SYNPR: variants seen among roughly 807,000 people sequenced by gnomAD.
SYNPR encodes the protein synaptoporin.
SYNPR carries 23 observed loss-of-function variants against 32.9 expected under a neutral mutation model. That is an observed-to-expected ratio of 0.70 (90% confidence interval 0.50 to 0.99). The LOEUF (loss-of-function observed/expected upper bound fraction) is 0.99. SYNPR is among the 50% of genes least tolerant of loss of function. The pLI is 0.00. For synonymous variants in SYNPR, 146 were observed against 135.9 expected (o/e 1.07, Z -0.52); for missense variants, 318 against 349.3 (o/e 0.91, Z 0.71).
rs144095887 is a variant in SYNPR at position 63,411,232 on chromosome 3, C to G, written c.85-69600C>G. 2.0e-5 allele frequency among the ~76,000 whole-genome samples: 3 copies of G among 152,130 alleles called. No individual in the cohort carries two copies. In the East Asian group the frequency reaches 5.8e-4, roughly 29 times the overall value. On this transcript the variant is annotated intron_variant, in intron 2 of 5. Coordinates refer to ENST00000478300, the MANE Select transcript of SYNPR (RefSeq NM_001130003.2). ...AGTTAAAGTCTGAGGAGTCTGAGGT[C>G]AAAGGTGGTAAGGCTTGAAAAGGAG... is the stretch of plus-strand genomic sequence containing the variant.
intron 3 of SYNPR, among the ~76,000 whole-genome samples, chr3:63,522,769 A>T (rs911140218): frequency 2.0e-5 from 3 of 152,112 alleles, no homozygotes; most frequent in Non-Finnish European, 4.4e-5. Flanking sequence ...GAGGGAGCAT[A>T]GCGGATGAAA....
At chr3:63,474,078 C>A (rs1487639858) in intron 2 of SYNPR, among the ~76,000 whole-genome samples, 1 of 152,152 alleles carries the variant, frequency 6.6e-6, no homozygotes, top group Non-Finnish European at 1.5e-5. Context: ...AGCCAGCCAA[C>A]GATGTGTGGT....
intron 2 of SYNPR, among the ~76,000 whole-genome samples, chr3:63,342,329 C>A (rs1454148137): frequency 7.2e-5 from 11 of 152,142 alleles, no homozygotes; most frequent in South Asian, 2.1e-4. Flanking sequence ...AAACTGTAAT[C>A]ATTACTGGAT....
intron 2 of SYNPR, among the ~76,000 whole-genome samples, chr3:63,355,443 T>A (rs749818755): frequency 6.6e-6 from 1 of 152,134 alleles, no homozygotes; most frequent in African/African-American, 2.4e-5. Flanking sequence ...TAAGTGCCAT[T>A]GGTAATGGCT....
At chr3:63,504,455 G>A (rs1296611676) in intron 3 of SYNPR, among the ~76,000 whole-genome samples, 1 of 152,096 alleles carries the variant, frequency 6.6e-6, no homozygotes. Flanking sequence ...CTGCAGGTTT[G>A]TAACAATCCA....
At chr3:63,324,745 A>C (rs922815018) in intron 2 of SYNPR, among the ~76,000 whole-genome samples, 5 of 152,138 alleles carry the variant, frequency 3.3e-5, no homozygotes, top group Non-Finnish European at 5.9e-5. Flanking sequence ...CTCACCAGGC[A>C]GCAAGTTGAG....
chr3:63,314,548 T>C (rs911897078), intron 2 of SYNPR, among the ~76,000 whole-genome samples: 1 of 152,094 alleles, frequency 6.6e-6, no homozygotes, highest in Non-Finnish European at 1.5e-5. Flanking sequence ...TCTATTCATG[T>C]CCTTTGCCCA....
chr3:63,535,587 A>G (rs1019879687), intron 3 of SYNPR, among the ~76,000 whole-genome samples: 5 of 152,196 alleles, frequency 3.3e-5, no homozygotes, highest in African/African-American at 4.8e-5. Context: ...ATAGACATAT[A>G]GACCAATGGA....
chr3:63,371,435 T>C (rs1286070690), intron 2 of SYNPR, among the ~76,000 whole-genome samples: 1 of 152,176 alleles, frequency 6.6e-6, no homozygotes, highest in Non-Finnish European at 1.5e-5. Context: ...TGAGCAGTGA[T>C]GAACTTCAGG....
At chr3:63,314,550 C>T (rs1327663127) in intron 2 of SYNPR, among the ~76,000 whole-genome samples, 4 of 151,916 alleles carry the variant, frequency 2.6e-5, no homozygotes, top group Non-Finnish European at 4.4e-5. Context: ...TATTCATGTC[C>T]TTTGCCCACT....
chr3:63,412,799 C>G (rs2088484323), intron 2 of SYNPR, among the ~76,000 whole-genome samples: 1 of 152,146 alleles, frequency 6.6e-6, no homozygotes, highest in South Asian at 2.1e-4. Context: ...TCCTATAAAC[C>G]TTTTGAACTT....
rs114793198 is a variant in SYNPR, at chr3:63,489,919, G to A, written c.209+8963G>A. Among the ~76,000 whole-genome samples the A allele has an allele frequency of 6.8e-3, 1,035 of 152,216 alleles. 10 individuals are homozygous for A. The highest frequency in any genetic ancestry group is 0.023 in the African/African-American group (972 of 41,548). On this transcript the variant is annotated intron_variant, in intron 3 of 5. Coordinates refer to ENST00000478300, the MANE Select transcript of SYNPR (RefSeq NM_001130003.2). ...TAGAGAGAAAAGACTGGAATCTGGG[G>A]GAATAAAGAGAGGCTCCTAAGTGGA...
chr3:63,258,485 G>A (rs1453136842), intron 2 of SYNPR, among the ~76,000 whole-genome samples: 3 of 152,162 alleles, frequency 2.0e-5, no homozygotes, highest in African/African-American at 4.8e-5. Flanking sequence ...GGTACATACC[G>A]AAATGAAGGC....
Position 63,615,585 on chromosome 3 carries a change from GA to G in SYNPR, c.*106del. 7.0e-7 allele frequency: 1 copy of G among 1,437,992 alleles called. No individual in the cohort carries two copies. Among genetic ancestry groups the G allele is most frequent in the Non-Finnish European group, 9.3e-7 (1 of 1,074,818 alleles). 89.1% of individuals were successfully genotyped at this position (1,437,992 alleles called of 1,614,324 possible). On this transcript the variant is annotated 3_prime_UTR_variant, in exon 6 of 6. Coordinates refer to ENST00000478300, the MANE Select transcript of SYNPR (RefSeq NM_001130003.2). ...ATCAATTATTAATGCAGAGAGTATTGAATGTAAATCAGAGCTCTCTAGTCTT... is the reference window on the plus strand; with the variant it reads ...ATCAATTATTAATGCAGAGAGTATTGATGTAAATCAGAGCTCTCTAGTCTT...
intron 2 of SYNPR, among the ~76,000 whole-genome samples, chr3:63,260,452 C>A (rs1312587776): frequency 1.3e-5 from 2 of 152,042 alleles, no homozygotes; most frequent in African/African-American, 2.4e-5. Flanking sequence ...ACAAACCTGA[C>A]AAAACAAGAA....
chr3:63,588,931 C>T (rs1283923067), intron 4 of SYNPR, among the ~76,000 whole-genome samples: 6 of 152,104 alleles, frequency 3.9e-5, no homozygotes, highest in African/African-American at 1.2e-4. Flanking sequence ...CCATGTGAGA[C>T]ACCCAAATTC....
intron 2 of SYNPR, among the ~76,000 whole-genome samples, chr3:63,355,887 T>C (rs186547781): frequency 1.3e-5 from 2 of 152,380 alleles, no homozygotes; most frequent in Admixed American, 1.3e-4. Flanking sequence ...TTGTTACAGC[T>C]GTAACCCTGT....
intron 1 of SYNPR, among the ~76,000 whole-genome samples, chr3:63,231,538 A>G (rs142328106): frequency 1.3e-3 from 193 of 152,208 alleles, no homozygotes; most frequent in Admixed American, 2.7e-3. Flanking sequence ...TTATTCCCCA[A>G]TTAAATTCTT....
At chr3:63,424,624 T>G (rs1386449610) in intron 2 of SYNPR, among the ~76,000 whole-genome samples, 2 of 152,204 alleles carry the variant, frequency 1.3e-5, no homozygotes, top group African/African-American at 4.8e-5. Flanking sequence ...CCATAGTATC[T>G]TTAAACCTTC....
Sources: allele counts gnomAD v4.1 joint callset (sites outside exome capture counted in the v4.1 genomes callset), GRCh38; gene constraint gnomAD v4.1.1; transcripts MANE v1.5; gene names NCBI Gene and HGNC (gene_info 2026-07-23, HGNC 2026-07-21).